The following LPP variants were observed in gnomAD, a reference collection of about 807,000 sequenced individuals.
LPP encodes the protein LIM domain containing preferred translocation partner in lipoma.
In LPP, 38 loss-of-function variants were observed where a neutral mutation model predicts 60.4. That is an observed-to-expected ratio of 0.63 (90% confidence interval 0.49 to 0.83). LPP has a LOEUF of 0.83. LPP is among the 40% of genes least tolerant of loss of function. The pLI is 0.00. For missense variants in LPP, 902 were observed against 783.6 expected, an observed-to-expected ratio of 1.15 and a Z score of -1.80; for synonymous variants, 328 against 290.8, an observed-to-expected ratio of 1.13 and a Z score of -1.30.
At chr3:188,467,222 G>T (rs1288080087) in intron 4 of LPP, among the ~76,000 whole-genome samples, 2 of 151,348 alleles carry the variant, frequency 1.3e-5, no homozygotes, top group African/African-American at 4.9e-5. Flanking sequence ...GTTTAAATGT[G>T]GTAGCAAGAT....
chr3:188,576,254 T>G (rs1465745966), intron 6 of LPP, among the ~76,000 whole-genome samples: 1 of 152,146 alleles, frequency 6.6e-6, no homozygotes. Flanking sequence ...ACACAGAATT[T>G]AAACAATTGA....
At chr3:188,520,479 C>T (rs551088123) in intron 5 of LPP, among the ~76,000 whole-genome samples, 7 of 152,264 alleles carry the variant, frequency 4.6e-5, no homozygotes, top group Middle Eastern at 3.4e-3. Flanking sequence ...GGGAAAATGC[C>T]CCCGTGATTC....
At chr3:188,323,864 C>A (rs1181234846) in intron 2 of LPP, among the ~76,000 whole-genome samples, 1 of 152,148 alleles carries the variant, frequency 6.6e-6, no homozygotes, top group Admixed American at 6.5e-5. Context: ...AGGGTTTTCT[C>A]CTGGGATTGA....
intron 9 of LPP, among the ~76,000 whole-genome samples, chr3:188,826,429 T>C (rs1755513345): frequency 6.6e-6 from 1 of 152,170 alleles, no homozygotes; most frequent in South Asian, 2.1e-4. Context: ...CAGTACATTT[T>C]AAGATAGACA....
At chr3:188,492,349 G>T (rs946197760) in intron 5 of LPP, among the ~76,000 whole-genome samples, 1 of 151,842 alleles carries the variant, frequency 6.6e-6, no homozygotes, top group Non-Finnish European at 1.5e-5. Flanking sequence ...TGTACTTATT[G>T]TTTTTTTTAT....
At chr3:188,321,337 T>A (rs149028777) in intron 2 of LPP, among the ~76,000 whole-genome samples, 1 of 152,308 alleles carries the variant, frequency 6.6e-6, no homozygotes, top group Non-Finnish European at 1.5e-5. Flanking sequence ...TTGGATATAT[T>A]TGTAAAATAA....
chr3:188,192,199 A>G (rs539334827), intron 1 of LPP, among the ~76,000 whole-genome samples: 2 of 152,372 alleles, frequency 1.3e-5, no homozygotes, highest in East Asian at 3.9e-4. Context: ...GGTAGCGATT[A>G]GAAAGGCTTC....
intron 6 of LPP, among the ~76,000 whole-genome samples, chr3:188,535,374 A>C (rs1367309161): frequency 6.6e-6 from 1 of 152,188 alleles, no homozygotes; most frequent in African/African-American, 2.4e-5. Context: ...TGAGTACCAG[A>C]CTGTGAAGTC....
chr3:188,733,320 C>T (rs1003142520), intron 8 of LPP, among the ~76,000 whole-genome samples: 10 of 134,174 alleles, frequency 7.5e-5, no homozygotes, highest in Admixed American at 1.5e-4. Flanking sequence ...TGTGTGTGTA[C>T]ATTTATATAC....
chr3:188,718,027 G>A (rs1466862101), intron 8 of LPP, among the ~76,000 whole-genome samples: 2 of 152,138 alleles, frequency 1.3e-5, no homozygotes, highest in South Asian at 2.1e-4. Context: ...CTCCATGTTG[G>A]TCAGGCTGAT....
chr3:188,335,358 T>A (rs1761349740), intron 2 of LPP, among the ~76,000 whole-genome samples: 1 of 152,220 alleles, frequency 6.6e-6, no homozygotes, highest in South Asian at 2.1e-4. Context: ...TGTGTTAAAC[T>A]ATCCTTGTAT....
At chr3:188,864,786 C>A (rs989352856) in intron 9 of LPP, among the ~76,000 whole-genome samples, 1 of 152,178 alleles carries the variant, frequency 6.6e-6, no homozygotes, top group Admixed American at 6.5e-5. Context: ...AGAATAAGCT[C>A]TTTTTACATT....
chr3:188,674,868 G>T (rs576974920), intron 7 of LPP, among the ~76,000 whole-genome samples: 8 of 152,248 alleles, frequency 5.3e-5, no homozygotes, highest in East Asian at 1.9e-4. Context: ...ACCTTCCGAG[G>T]CTGTGACATA....
chr3:188,849,158 A>C (rs1415385914), intron 9 of LPP, among the ~76,000 whole-genome samples: 2 of 152,206 alleles, frequency 1.3e-5, no homozygotes, highest in African/African-American at 4.8e-5. Flanking sequence ...CTGTGGAGTG[A>C]TGCCAGACGG....
chr3:188,301,689 C>T (rs1478462155), intron 2 of LPP, among the ~76,000 whole-genome samples: 1 of 151,872 alleles, frequency 6.6e-6, no homozygotes, highest in African/African-American at 2.4e-5. Flanking sequence ...TTATTTGAGA[C>T]AGAGTCTCAC....
At chr3:188,202,578 G>A (rs556930191) in intron 1 of LPP, among the ~76,000 whole-genome samples, 7 of 152,280 alleles carry the variant, frequency 4.6e-5, no homozygotes, top group African/African-American at 1.7e-4. Flanking sequence ...CAAGGTTCAC[G>A]CGCTATGACC....
chr3:188,376,269 T>C (rs1184203588), intron 3 of LPP, among the ~76,000 whole-genome samples: 11 of 151,436 alleles, frequency 7.3e-5, no homozygotes, highest in Non-Finnish European at 1.5e-4. Flanking sequence ...TTGTTAACTT[T>C]CTGTCTTGTT....
rs369565579 is a variant in LPP at position 188,515,516 on chromosome 3, C to T, written c.307-9149C>T. ...AATGGCCTAATGTAACGTTTTTGTG[C>T]TTTATCATGAAAAACTCTTGTCTTC... On this transcript the variant is annotated intron_variant, in intron 5 of 11. Transcript: ENST00000617246. 7.6e-4 allele frequency among the ~76,000 whole-genome samples: 115 copies of T among 152,278 alleles called. 4 individuals are homozygous for T. The South Asian group carries it at 0.022, about 30-fold the overall frequency.
intron 8 of LPP, among the ~76,000 whole-genome samples, chr3:188,740,828 T>G (rs1724144941): frequency 6.6e-6 from 1 of 151,990 alleles, no homozygotes. Context: ...ATAAAGAATA[T>G]GGGTTCCATC....
Sources: allele counts gnomAD v4.1 joint callset (sites outside exome capture counted in the v4.1 genomes callset), GRCh38; gene constraint gnomAD v4.1.1; transcripts MANE v1.5; gene names NCBI Gene and HGNC (gene_info 2026-07-23, HGNC 2026-07-21).